Variants in ITM2C observed in about 807,000 individuals in gnomAD.
The protein encoded by ITM2C is BRICHOS domain containing 2C.
ITM2C carries 20 observed loss-of-function variants against 30.0 expected under a neutral mutation model. The observed-to-expected ratio is 0.67, with a 90% CI of 0.47 to 0.97. The LOEUF (loss-of-function observed/expected upper bound fraction) is 0.97. Among genes scored for constraint, ITM2C ranks in the 50% least tolerant of loss-of-function variants. The pLI is 0.00. For missense variants in ITM2C, 366 were observed against 371.9 expected, an observed-to-expected ratio of 0.98 and a Z score of 0.13; for synonymous variants, 167 against 156.4, an observed-to-expected ratio of 1.07 and a Z score of -0.51.
chr2:230,872,774 AC>A (rs1268363987), intron 1 of ITM2C, among the ~76,000 whole-genome samples: 1 of 152,152 alleles, frequency 6.6e-6, no homozygotes, highest in African/African-American at 2.4e-5. Flanking sequence ...CCATGCCCAG[AC>A]CCCATGGGGC....
intron 1 of ITM2C, among the ~76,000 whole-genome samples, chr2:230,867,893 A>T (rs1697067751): frequency 6.6e-6 from 1 of 152,200 alleles, no homozygotes; most frequent in Non-Finnish European, 1.5e-5. Flanking sequence ...TCCTGACCTC[A>T]GGTGATCTTC....
Position 230,877,242 on chromosome 2 carries a change from A to T in ITM2C, c.562-158A>T, listed in dbSNP as rs1208415445. Among the ~76,000 whole-genome samples the T allele has an allele frequency of 1.3e-5, 2 of 152,334 alleles. No homozygotes were observed. Among genetic ancestry groups the T allele is most frequent in the African/African-American group, 4.8e-5 (2 of 41,586 alleles). On this transcript the variant is annotated intron_variant, in intron 4 of 5. Transcript: ENST00000326427. This position sits in a 1 kb window ranked among gnomAD's most constrained non-coding sequence, Gnocchi z 4.8. Reference sequence around the variant, plus strand: ...TGCGCATGCCATTGCTCCTGGCAGCACAGGTGCAGGCACCGGGCACAGGCA... The same window carrying T: ...TGCGCATGCCATTGCTCCTGGCAGCTCAGGTGCAGGCACCGGGCACAGGCA...
chr2:230,871,768 C>T (rs939742111), intron 1 of ITM2C, among the ~76,000 whole-genome samples: 3 of 152,240 alleles, frequency 2.0e-5, no homozygotes, highest in Non-Finnish European at 4.4e-5. Context: ...GGCCTGCTGA[C>T]CTGCTCACGC....
chr2:230,873,220 T>C (rs1697208259), intron 1 of ITM2C, 197 bp from the exon 2 acceptor site: 2 of 468,134 alleles, frequency 4.3e-6, no homozygotes, highest in Non-Finnish European at 7.3e-6. Context: ...TCGAGGTTTG[T>C]CTCGGTTTCT....
Position 230,875,779 on chromosome 2 carries a change from C to G in ITM2C, c.421C>G (p.Pro141Ala). The G allele has an allele frequency of 1.9e-6, 3 of 1,609,020 alleles. No individual in the cohort carries two copies. The highest frequency in any genetic ancestry group is 2.5e-6 in the Non-Finnish European group (3 of 1,178,324). ...VPVPQFGGGD[P>A]ADIIHDFQRG... ...TGTGCCCCAGTTTGGCGGCGGTGAC[C>G]CTGCAGACATCATCCATGACTTCCA... The change falls in exon 3 of 6, where the codon CCT (proline) becomes GCT (alanine). Residue 141 changes from proline (P) to alanine (A), a missense_variant. Transcript: ENST00000326427.
chr2:230,865,802 C>T lies in ITM2C; in HGVS notation c.120+657C>T, dbSNP rs1292844932. The T allele has an allele frequency of 6.6e-6, 1 of 152,360 alleles. No homozygotes were observed. Among genetic ancestry groups the T allele is most frequent in the South Asian group, 2.1e-4 (1 of 4,836 alleles). 9.4% of individuals were successfully genotyped at this position (152,360 alleles called of 1,614,324 possible). A position where few individuals can be genotyped will look rare whatever the true frequency, so the allele number is the denominator to read the frequency against. On this transcript the variant is annotated intron_variant, in intron 1 of 5. Coordinates refer to ENST00000326427, the MANE Select transcript of ITM2C (RefSeq NM_030926.6). The surrounding 1 kb of genome is among the most constrained non-coding windows in gnomAD (Gnocchi z 6.8). ...ACGTCGGGGGTCCGAGGCCGGGTGC[C>T]CCCTTCCCACCCCACGCCCTGCCGT...
chr2:230,877,336 C>A lies in ITM2C; in HGVS notation c.562-64C>A. ...GGAGGAGGGAGGTGGGCTGGCATTT[C>A]GGGCGAGGGGTTGGACGAAAGCCTG... On this transcript the variant is annotated intron_variant, in intron 4 of 5. Transcript: ENST00000326427. The surrounding 1 kb of genome is among the most constrained non-coding windows in gnomAD (Gnocchi z 4.8). The A allele has an allele frequency of 6.4e-7, 1 of 1,558,178 alleles. No individual in the cohort carries two copies.
chr2:230,870,468 C>A (rs1030403747), intron 1 of ITM2C, among the ~76,000 whole-genome samples: 4 of 152,196 alleles, frequency 2.6e-5, no homozygotes, highest in African/African-American at 9.7e-5. Flanking sequence ...CGTGGCTGAG[C>A]CCGGGTGTGT....
At position 230,877,302 on chromosome 2, in the gene ITM2C, G is replaced by C; in HGVS notation, c.562-98G>C. On this transcript the variant is annotated intron_variant, in intron 4 of 5. Coordinates refer to ENST00000326427, the MANE Select transcript of ITM2C (RefSeq NM_030926.6). The surrounding 1 kb of genome is among the most constrained non-coding windows in gnomAD (Gnocchi z 4.8). ...TGAGGACATCAGAAGGGCCAGCCCAGGGGCCTCTGGAGGAGGGAGGTGGGC... is the reference window on the plus strand; with the variant it reads ...TGAGGACATCAGAAGGGCCAGCCCACGGGCCTCTGGAGGAGGGAGGTGGGC... 2 of 1,282,288 alleles carry C rather than the reference G, an allele frequency of 1.6e-6. No homozygotes were observed. The highest frequency in any genetic ancestry group is 1.9e-5 in the Admixed American group (1 of 53,836). The allele number at this position is 1,282,288 out of a possible 1,614,324, so 79.4% of individuals were successfully genotyped here. A position where few individuals can be genotyped will look rare whatever the true frequency, so the allele number is the denominator to read the frequency against.
Position 230,865,108 on chromosome 2 carries a change from C to T in ITM2C, c.83C>T (p.Pro28Leu), listed in dbSNP as rs372949270. Reference protein sequence around the residue: ...ADKASASAPAPASATEILLTP... With the variant: ...ADKASASAPALASATEILLTP... ...AAGGCGTCGGCGTCGGCCCCTGCGC[C>T]GGCCTCGGCCACCGAGATCCTGCTG... The change falls in exon 1 of 6, where the codon CCG becomes CTG. Residue 28 changes from proline (P) to leucine (L), a missense_variant. Pro to Leu is a moderately conservative substitution (Grantham distance 98). Coordinates refer to ENST00000326427, the MANE Select transcript of ITM2C (RefSeq NM_030926.6). The surrounding 1 kb of genome is among the most constrained non-coding windows in gnomAD (Gnocchi z 6.8). 138 of 1,507,836 alleles carry T rather than the reference C, an allele frequency of 9.2e-5. No individual in the cohort carries two copies. Among genetic ancestry groups the T allele is most frequent in the Non-Finnish European group, 1.1e-4 (129 of 1,122,966 alleles). The allele number at this position is 1,507,836 out of a possible 1,614,324, so 93.4% of individuals were successfully genotyped here.
intron 1 of ITM2C, among the ~76,000 whole-genome samples, chr2:230,870,672 C>T (rs886114184): frequency 2.6e-5 from 4 of 152,234 alleles, no homozygotes; most frequent in African/African-American, 4.8e-5. Flanking sequence ...TCTAACCTCC[C>T]TCGGTGGGGC....
Position 230,878,874 on chromosome 2 carries a change from G to T in ITM2C, c.*775G>T, listed in dbSNP as rs923080396. 1 of 152,536 alleles carries T rather than the reference G, an allele frequency of 6.6e-6. No individual in the cohort carries two copies. The allele number at this position is 152,536 out of a possible 1,614,324, so 9.4% of individuals were successfully genotyped here. On this transcript the variant is annotated 3_prime_UTR_variant, in exon 6 of 6. Transcript: ENST00000326427. The surrounding 1 kb of genome is among the most constrained non-coding windows in gnomAD (Gnocchi z 4.5). ...GCAGGCAAGGTCACTGCTCAGTCAC[G>T]TCCACGGGGGACGAGCCGTGGGTTC...
intron 1 of ITM2C, among the ~76,000 whole-genome samples, chr2:230,868,786 C>T (rs1004537489): frequency 3.3e-5 from 5 of 152,218 alleles, no homozygotes; most frequent in Non-Finnish European, 5.9e-5. Flanking sequence ...TTAGCCCTAC[C>T]CCAGTGTCCT....
Position 230,865,140 on chromosome 2 carries a change from G to A in ITM2C, c.115G>A (p.Ala39Thr). ...GGCCACCGAGATCCTGCTGACGCCGGCTAGGGTGAGAGGGTCTGGGGCTCA... is the reference window on the plus strand; with the variant it reads ...GGCCACCGAGATCCTGCTGACGCCGACTAGGGTGAGAGGGTCTGGGGCTCA... The part of the protein sequence containing the change: ...ASATEILLTP[A>T]REEQPPQHRS... Residue 39 changes from alanine (A) to threonine (T), a missense_variant, in exon 1 of 6, where the codon GCT (alanine) becomes ACT (threonine). Transcript: ENST00000326427. This position sits in a 1 kb window ranked among gnomAD's most constrained non-coding sequence, Gnocchi z 6.8. 1 of 1,484,888 alleles carries A rather than the reference G, an allele frequency of 6.7e-7. No homozygotes were observed. Among genetic ancestry groups the A allele is most frequent in the South Asian group, 1.3e-5 (1 of 78,114 alleles). The allele number at this position is 1,484,888 out of a possible 1,614,324, so 92.0% of individuals were successfully genotyped here.
rs1574601069 is a variant in ITM2C, at chr2:230,877,999, T to C, written c.713-9T>C. The C allele has an allele frequency of 1.9e-6, 3 of 1,612,048 alleles. No homozygotes were observed. The highest frequency in any genetic ancestry group is 2.5e-6 in the Non-Finnish European group (3 of 1,178,656). The stretch of plus-strand genomic sequence containing the variant: ...CAGGGCTCACTGGGGTTTTTCTTTT[T>C]CCTCCCAGGGATCAACAAGCGTGGG... On this transcript the variant is annotated splice_polypyrimidine_tract_variant and intron_variant, in intron 5 of 5. Coordinates refer to ENST00000326427, the MANE Select transcript of ITM2C (RefSeq NM_030926.6). The surrounding 1 kb of genome is among the most constrained non-coding windows in gnomAD (Gnocchi z 4.8).
intron 3 of ITM2C, 60 bp downstream of exon 3, chr2:230,875,868 A>G (rs1697284198): frequency 4.7e-6 from 6 of 1,268,630 alleles, no homozygotes; most frequent in Non-Finnish European, 6.7e-6. Flanking sequence ...ACTCAGGGCA[A>G]GGGGAGCAGG....
At chr2:230,875,333 C>T (rs1697264242) in intron 2 of ITM2C, among the ~76,000 whole-genome samples, 1 of 152,192 alleles carries the variant, frequency 6.6e-6, no homozygotes, top group African/African-American at 2.4e-5. Flanking sequence ...CCAGAGAGGT[C>T]TGCCACCTAG....
chr2:230,877,638 C>G lies in ITM2C; in HGVS notation c.712+88C>G. On this transcript the variant is annotated intron_variant, in intron 5 of 5. Transcript: ENST00000326427. The surrounding 1 kb of genome is among the most constrained non-coding windows in gnomAD (Gnocchi z 4.8). The stretch of plus-strand genomic sequence containing the variant: ...CGCCTAGCCCAGCTGTCAGAGAGCT[C>G]AGATAGCAGCAGCAATAACAGCTAG... 4.3e-6 allele frequency: 6 copies of G among 1,395,588 alleles called. No individual in the cohort carries two copies. Among genetic ancestry groups the G allele is most frequent in the Non-Finnish European group, 6.0e-6 (6 of 1,003,044 alleles). The allele number at this position is 1,395,588 out of a possible 1,614,324, so 86.5% of individuals were successfully genotyped here. A position where few individuals can be genotyped will look rare whatever the true frequency, so the allele number is the denominator to read the frequency against.
chr2:230,875,502 C>T (rs1037641438), intron 2 of ITM2C, 118 bp from the exon 3 acceptor site: 1 of 866,070 alleles, frequency 1.2e-6, no homozygotes, highest in Non-Finnish European at 1.8e-6. Context: ...AGTCCCTGCT[C>T]TTCTTGCTTC....
Sources: gnomAD v4.1 joint callset for allele counts (sites outside exome capture counted in the v4.1 genomes callset) on GRCh38, gnomAD v4.1.1 for gene constraint, Gnocchi (gnomAD v3.1) non-coding constraint, MANE v1.5 for transcripts, NCBI Gene and HGNC (gene_info 2026-07-23, HGNC 2026-07-21) for gene names.